DAB1: variants seen among roughly 807,000 people sequenced by gnomAD.
The protein encoded by DAB1 is DAB adaptor protein 1, also known as disabled homolog 1.
In DAB1, 15 loss-of-function variants were observed where a neutral mutation model predicts 64.6. That is an observed-to-expected ratio of 0.23 (90% CI 0.16 to 0.36). The LOEUF is 0.36. Ranked by LOEUF, DAB1 falls within the 10% of genes least tolerant of loss-of-function variation. The probability of loss-of-function intolerance (pLI) is 1.00; values close to 1 mark genes in which losing one functional copy is unlikely to be tolerated. For synonymous variants in DAB1, 235 were observed against 251.9 expected (o/e 0.93, Z 0.64); for missense variants, 596 against 706.7 (o/e 0.84, Z 1.78).
At chr1:58,525,114 C>T (rs893541446) in intron 2 of DAB1, among the ~76,000 whole-genome samples, 3 of 152,084 alleles carry the variant, frequency 2.0e-5, no homozygotes, top group East Asian at 1.9e-4. Flanking sequence ...TGTAGGCACA[C>T]GTTTTGATAA....
intron 7 of DAB1, among the ~76,000 whole-genome samples, chr1:57,552,784 G>T (rs17115991): frequency 0.022 from 3,335 of 152,276 alleles, 140 homozygotes; most frequent in African/African-American, 0.077. Context: ...TCTACACAGG[G>T]AAGCCAAGCA....
intron 2 of DAB1, among the ~76,000 whole-genome samples, chr1:57,259,450 G>C (rs1670013560): frequency 6.6e-6 from 1 of 152,186 alleles, no homozygotes; most frequent in Admixed American, 6.5e-5. Context: ...GCTGAACTAA[G>C]TCTTAACCAT....
intron 5 of DAB1, among the ~76,000 whole-genome samples, chr1:58,063,250 G>A (rs1648618908): frequency 6.6e-6 from 1 of 152,170 alleles, no homozygotes. Context: ...ATAACAGAAT[G>A]TTAAAATGGC....
intron 4 of DAB1, among the ~76,000 whole-genome samples, chr1:57,116,564 A>G (rs1265552299): frequency 1.3e-5 from 2 of 151,928 alleles, no homozygotes; most frequent in Admixed American, 6.6e-5. Flanking sequence ...CATAAGATAC[A>G]CTGTCCTCAT....
At chr1:58,488,924 T>G (rs953795324) in intron 3 of DAB1, among the ~76,000 whole-genome samples, 5 of 152,256 alleles carry the variant, frequency 3.3e-5, no homozygotes, top group African/African-American at 1.2e-4. Flanking sequence ...ATGATCAATA[T>G]TTTCATGAAA....
intron 3 of DAB1, among the ~76,000 whole-genome samples, chr1:58,366,874 G>A (rs1011808013): frequency 4.6e-5 from 7 of 152,154 alleles, no homozygotes; most frequent in African/African-American, 9.7e-5. Flanking sequence ...CCCTTCTGGG[G>A]AACCAAAACT....
intron 1 of DAB1, among the ~76,000 whole-genome samples, chr1:57,344,561 AATGAAAAGGCTCCCACAGTCACCCTG>A (rs1410242137): frequency 2.0e-5 from 3 of 151,920 alleles, no homozygotes; most frequent in African/African-American, 7.2e-5. Context: ...CAGCCTCCCA[AATGAAAAGGCTCCCACAGTCACCCTG>A]ATGAATCGAG....
At chr1:57,216,255 G>A (rs1666421506) in intron 2 of DAB1, among the ~76,000 whole-genome samples, 2 of 152,032 alleles carry the variant, frequency 1.3e-5, no homozygotes, top group African/African-American at 4.8e-5. Context: ...TACCTATAAG[G>A]TGGAGTGAAT....
intron 7 of DAB1, among the ~76,000 whole-genome samples, chr1:57,551,634 T>C (rs1055097635): frequency 2.6e-5 from 4 of 152,188 alleles, no homozygotes; most frequent in Non-Finnish European, 5.9e-5. Flanking sequence ...CACTGCTGCC[T>C]GCGTCAACAT....
chr1:58,522,947 A>T (rs1328218730), intron 2 of DAB1, among the ~76,000 whole-genome samples: 1 of 152,212 alleles, frequency 6.6e-6, no homozygotes, highest in Admixed American at 6.5e-5. Context: ...GTAGAACGGG[A>T]GACAGGAAAG....
At chr1:57,012,621 T>C (rs930844072) in intron 12 of DAB1, among the ~76,000 whole-genome samples, 11 of 152,346 alleles carry the variant, frequency 7.2e-5, no homozygotes, top group Admixed American at 3.3e-4. Flanking sequence ...TCTAATTTTG[T>C]TCAAAATAAA....
intron 3 of DAB1, among the ~76,000 whole-genome samples, chr1:58,420,175 G>A (rs1290755204): frequency 1.3e-5 from 2 of 152,194 alleles, no homozygotes; most frequent in Admixed American, 6.5e-5. Context: ...TTTTGTTGTT[G>A]TTGTTGTTAA....
chr1:57,417,571 T>C (rs951787024), intron 1 of DAB1, among the ~76,000 whole-genome samples: 2 of 152,238 alleles, frequency 1.3e-5, no homozygotes, highest in Non-Finnish European at 2.9e-5. Flanking sequence ...TAAATGACTT[T>C]AGTGCAGAAA....
chr1:57,667,761 T>A (rs945242671), intron 6 of DAB1, among the ~76,000 whole-genome samples: 1 of 151,960 alleles, frequency 6.6e-6, no homozygotes, highest in South Asian at 2.1e-4. Context: ...TCATTCTCAG[T>A]AAACTAACAC....
chr1:58,350,598 C>T (rs781408554), intron 3 of DAB1, among the ~76,000 whole-genome samples: 11 of 152,120 alleles, frequency 7.2e-5, no homozygotes, highest in East Asian at 3.8e-4. Flanking sequence ...TTAGGTCTTA[C>T]GTTTAAGTCT....
At chr1:57,210,768 G>A (rs1040812231) in intron 2 of DAB1, among the ~76,000 whole-genome samples, 1 of 152,202 alleles carries the variant, frequency 6.6e-6, no homozygotes, top group African/African-American at 2.4e-5. Context: ...TGACATTGTA[G>A]CAGGTACTGA....
At chr1:57,457,764 C>T (rs1223314978) in intron 7 of DAB1, among the ~76,000 whole-genome samples, 1 of 152,040 alleles carries the variant, frequency 6.6e-6, no homozygotes, top group African/African-American at 2.4e-5. Context: ...ATAATACAAG[C>T]AGTTTAAACT....
intron 7 of DAB1, among the ~76,000 whole-genome samples, chr1:57,562,013 C>A (rs1645058374): frequency 6.6e-6 from 1 of 152,230 alleles, no homozygotes; most frequent in African/African-American, 2.4e-5. Flanking sequence ...TCACAGAATG[C>A]CTTATCCACT....
intron 5 of DAB1, among the ~76,000 whole-genome samples, chr1:58,023,369 G>T (rs1294156674): frequency 2.0e-5 from 3 of 152,102 alleles, no homozygotes; most frequent in African/African-American, 7.2e-5. Flanking sequence ...CCAGATCAGG[G>T]ACTCTGTGTT....
Sources: allele counts gnomAD v4.1 joint callset (sites outside exome capture counted in the v4.1 genomes callset), GRCh38; gene constraint gnomAD v4.1.1; transcripts MANE v1.5; gene names NCBI Gene and HGNC (gene_info 2026-07-23, HGNC 2026-07-21).